The following CDC42BPB variants were observed in gnomAD, a reference collection of about 807,000 sequenced individuals.
The protein encoded by CDC42BPB is serine/threonine-protein kinase MRCK beta.
CDC42BPB carries 37 observed loss-of-function variants against 214.9 expected under a neutral mutation model. The observed-to-expected ratio is 0.17, with a 90% CI of 0.13 to 0.23. The LOEUF (loss-of-function observed/expected upper bound fraction) is 0.23. Among genes scored for constraint, CDC42BPB ranks in the 10% least tolerant of loss-of-function variants. CDC42BPB has a pLI of 1.00. For synonymous variants in CDC42BPB, 931 were observed against 884.0 expected, an observed-to-expected ratio of 1.05 and a Z score of -0.94; for missense variants, 1,694 against 2,227.0, an observed-to-expected ratio of 0.76 and a Z score of 4.82.
intron 1 of CDC42BPB, among the ~76,000 whole-genome samples, chr14:103,055,011 C>G (rs1888865162): frequency 6.6e-6 from 1 of 152,278 alleles, no homozygotes; most frequent in Non-Finnish European, 1.5e-5. Flanking sequence ...GGGACCACAT[C>G]TTCCCAGCAA....
At chr14:102,991,392 A>T (rs1894482215) in intron 5 of CDC42BPB, among the ~76,000 whole-genome samples, 1 of 152,260 alleles carries the variant, frequency 6.6e-6, no homozygotes, top group Non-Finnish European at 1.5e-5. Context: ...CCAATGTCAC[A>T]ACAAAGGAAG....
At chr14:102,963,272 A>G in intron 19 of CDC42BPB, 117 bp from the exon 20 acceptor site, 5 of 1,425,404 alleles carry the variant, frequency 3.5e-6, no homozygotes, top group Non-Finnish European at 4.6e-6. Context: ...GACTGTCCAG[A>G]ACACGGTAGC....
chr14:103,015,442 T>A (rs1190644565), intron 1 of CDC42BPB, among the ~76,000 whole-genome samples: 1 of 151,108 alleles, frequency 6.6e-6, no homozygotes, highest in African/African-American at 2.4e-5. Flanking sequence ...AGCCAAGATC[T>A]CGCCACTGCA....
chr14:102,972,159 T>C lies in CDC42BPB; in HGVS notation c.1644A>G (p.Gln548=), dbSNP rs1227070551. 2.5e-6 allele frequency: 4 copies of C among 1,613,238 alleles called. No individual in the cohort carries two copies. The African/African-American group carries it at 5.3e-5, about 22-fold the overall frequency. ...VRQEKEELHK[Q]LVEASERLKS... ...TCAACCGCTCTGAGGCTTCAACCAGTTGCTGAACAAAAACAATTATAGATG... is the reference window on the plus strand; with the variant it reads ...TCAACCGCTCTGAGGCTTCAACCAGCTGCTGAACAAAAACAATTATAGATG... The change falls in exon 13 of 37, where the codon CAA becomes CAG. Residue 548 remains glutamine (Q), a splice_region_variant and synonymous_variant. Coordinates refer to ENST00000361246, the MANE Select transcript of CDC42BPB (RefSeq NM_006035.4).
At position 103,017,971 on chromosome 14, in the gene CDC42BPB, G is replaced by C. The variant is rs575129369; in HGVS notation, c.176-5783C>G. On this transcript the variant is annotated intron_variant, in intron 1 of 36. Coordinates refer to ENST00000361246, the MANE Select transcript of CDC42BPB (RefSeq NM_006035.4). Reference sequence around the variant, plus strand: ...AGTGGTCCCAACCTTTTTGGCACCAGGGGCCACTTTCATGGAAGACAATTT... The same window carrying C: ...AGTGGTCCCAACCTTTTTGGCACCACGGGCCACTTTCATGGAAGACAATTT... Among the ~76,000 whole-genome samples the C allele has an allele frequency of 2.0e-5, 3 of 152,328 alleles. No individual in the cohort carries two copies. The South Asian group carries it at 6.2e-4, about 32-fold the overall frequency.
At chr14:102,954,298 G>T in intron 22 of CDC42BPB, 23 bp from the exon 23 acceptor site, 2 of 1,501,174 alleles carry the variant, frequency 1.3e-6, no homozygotes, top group Middle Eastern at 1.8e-4. Flanking sequence ...CAGGACAGGT[G>T]AGTGTCGGCC....
Position 103,006,437 on chromosome 14 carries a change from T to C in CDC42BPB, c.351+2035A>G, listed in dbSNP as rs1165031266. ...AAAAACCCATTCTTAAACTGGGGACTGCCTGCAAGGTGACCTGCTGACAGG... is the reference window on the plus strand; with the variant it reads ...AAAAACCCATTCTTAAACTGGGGACCGCCTGCAAGGTGACCTGCTGACAGG... On this transcript the variant is annotated intron_variant, in intron 3 of 36. Coordinates refer to ENST00000361246, the MANE Select transcript of CDC42BPB (RefSeq NM_006035.4). Among the ~76,000 whole-genome samples, 4 of 152,230 alleles carry C rather than the reference T, an allele frequency of 2.6e-5. No homozygotes were observed. The East Asian group carries it at 7.7e-4, about 29-fold the overall frequency.
intron 2 of CDC42BPB, among the ~76,000 whole-genome samples, chr14:103,009,596 A>G (rs1425678341): frequency 1.3e-5 from 2 of 152,248 alleles, no homozygotes; most frequent in African/African-American, 4.8e-5. Context: ...GGCAAAAAAG[A>G]GTACTAAAAA....
chr14:102,984,893 G>C (rs1190633481), intron 6 of CDC42BPB, among the ~76,000 whole-genome samples: 2 of 152,238 alleles, frequency 1.3e-5, no homozygotes, highest in South Asian at 4.1e-4. Flanking sequence ...TTCCCTGCAC[G>C]AGTGCGTGGC....
At chr14:102,942,213 G>GGCCCAGCCCCACT (rs1891925350) in intron 30 of CDC42BPB, among the ~76,000 whole-genome samples, 1 of 147,688 alleles carries the variant, frequency 6.8e-6, no homozygotes. Context: ...GCAGGCCCAC[G>GGCCCAGCCCCACT]GCCCAGCCCC....
rs572410260 is a variant in CDC42BPB at position 103,020,062 on chromosome 14, C to T, written c.176-7874G>A. On this transcript the variant is annotated intron_variant, in intron 1 of 36. Coordinates refer to ENST00000361246, the MANE Select transcript of CDC42BPB (RefSeq NM_006035.4). ...CGGTGTCAAGAGCTGAAGCCTGAGG[C>T]AGGCGGGCAGGAAGTCCTGCTTTCC... Among the ~76,000 whole-genome samples the T allele has an allele frequency of 2.6e-5, 4 of 152,352 alleles. No individual in the cohort carries two copies. The East Asian group carries it at 7.7e-4, about 29-fold the overall frequency.
intron 36 of CDC42BPB, among the ~76,000 whole-genome samples, chr14:102,934,954 G>A (rs1230689552): frequency 6.6e-6 from 1 of 150,620 alleles, no homozygotes; most frequent in Non-Finnish European, 1.5e-5. Flanking sequence ...AGCTTGCAGT[G>A]AGCCGAGATC....
Position 102,978,048 on chromosome 14 carries a change from A to G in CDC42BPB, c.1220+78T>C, listed in dbSNP as rs575723764. 6.2e-4 allele frequency: 702 copies of G among 1,140,720 alleles called. 2 individuals carry two copies. Among genetic ancestry groups the G allele is most frequent in the Non-Finnish European group, 7.2e-4 (544 of 752,734 alleles). The allele number at this position is 1,140,720 out of a possible 1,614,324, so 70.7% of individuals were successfully genotyped here. On this transcript the variant is annotated intron_variant, in intron 9 of 36. Transcript: ENST00000361246. ...ACACACCACCCACTAGCCCGCCCCC[A>G]GGGACAGACTGTGGTGTCTGACTGT...
At position 102,944,355 on chromosome 14, in the gene CDC42BPB, TCCG is replaced by T. The variant is rs765872071; in HGVS notation, c.3941_3943del (p.Ala1314del). On this transcript the variant is annotated inframe_deletion, in exon 30 of 37. Transcript: ENST00000361246. The surrounding 1 kb of genome is among the most constrained non-coding windows in gnomAD (Gnocchi z 6.6). ...CGGAAGCTTGATGTCAAAGCTGCCT[TCCG>T]CTCCATCAAGGGACGACCACGGATA... The T allele has an allele frequency of 1.5e-4, 238 of 1,613,198 alleles. No homozygotes were observed. In the Middle Eastern group the frequency reaches 1.6e-3, roughly 11 times the overall value.
chr14:102,948,868 G>A (rs1892344494), intron 26 of CDC42BPB, among the ~76,000 whole-genome samples: 1 of 152,004 alleles, frequency 6.6e-6, no homozygotes, highest in South Asian at 2.1e-4. Flanking sequence ...CAGGCCAGGG[G>A]CACACCTGTG....
At chr14:103,055,791 AGGAGGCCT>A (rs58026244) in intron 1 of CDC42BPB, among the ~76,000 whole-genome samples, 11,082 of 152,236 alleles carry the variant, frequency 0.073, 873 homozygotes, top group African/African-American at 0.2. Flanking sequence ...AGAGTAGAGT[AGGAGGCCT>A]GGAGGCCTCA....
intron 1 of CDC42BPB, among the ~76,000 whole-genome samples, chr14:103,033,727 G>A (rs1888111560): frequency 6.6e-6 from 1 of 152,152 alleles, no homozygotes; most frequent in South Asian, 2.1e-4. Context: ...TTAAATAGAG[G>A]ATGGCTGAGT....
At chr14:103,037,793 G>A (rs1887748903) in intron 1 of CDC42BPB, among the ~76,000 whole-genome samples, 1 of 152,202 alleles carries the variant, frequency 6.6e-6, no homozygotes, top group African/African-American at 2.4e-5. Flanking sequence ...CACTTTGGGA[G>A]GCCGAGGCAG....
At chr14:103,029,632 G>A (rs924208327) in intron 1 of CDC42BPB, among the ~76,000 whole-genome samples, 1 of 151,560 alleles carries the variant, frequency 6.6e-6, no homozygotes, top group Non-Finnish European at 1.5e-5. Context: ...TGACATGGGC[G>A]GATCACGAGG....
Sources: gnomAD v4.1 joint callset for allele counts (sites outside exome capture counted in the v4.1 genomes callset) on GRCh38, gnomAD v4.1.1 for gene constraint, Gnocchi (gnomAD v3.1) non-coding constraint, MANE v1.5 for transcripts, NCBI Gene and HGNC (gene_info 2026-07-23, HGNC 2026-07-21) for gene names.